SH3TC1: variants seen among roughly 807,000 people sequenced by gnomAD.
SH3TC1 encodes the protein SH3 domain and tetratricopeptide repeat-containing protein 1.
SH3TC1 carries 135 observed loss-of-function variants against 117.3 expected under a neutral mutation model. The observed-to-expected ratio is 1.15, with a 90% CI of 1.00 to 1.33. The LOEUF is 1.33. SH3TC1 is among the 40% of genes most tolerant of loss of function. SH3TC1 has a pLI of 0.00. For synonymous variants in SH3TC1, 898 were observed against 816.9 expected, an observed-to-expected ratio of 1.10 and a Z score of -1.69; for missense variants, 2,092 against 1,794.3, an observed-to-expected ratio of 1.17 and a Z score of -3.00.
At position 8,192,050 on chromosome 4, in the gene SH3TC1, C is replaced by T. The variant is rs939375733; in HGVS notation, c.-57+9840C>T. ...TGTCACCCAGGCTGGAGTGCAATGGCGCGATCTCGGCTCACTGCCACCTCG... is the reference window on the plus strand; with the variant it reads ...TGTCACCCAGGCTGGAGTGCAATGGTGCGATCTCGGCTCACTGCCACCTCG... On this transcript the variant is annotated intron_variant, in intron 1 of 16. Coordinates refer to the SH3TC1 transcript ENST00000508641. The surrounding 1 kb of genome is among the most constrained non-coding windows in gnomAD (Gnocchi z 4.1). 2.6e-5 allele frequency among the ~76,000 whole-genome samples: 4 copies of T among 151,792 alleles called. No homozygotes were observed. Among genetic ancestry groups the T allele is most frequent in the African/African-American group, 9.7e-5 (4 of 41,258 alleles).
chr4:8,234,181 A>ATCATCCATCCAT (rs1400082542), intron 14 of SH3TC1, among the ~76,000 whole-genome samples: 1 of 126,070 alleles, frequency 7.9e-6, no homozygotes. Flanking sequence ...CCATCCATCC[A>ATCATCCATCCAT]TCATCCATCC....
chr4:8,188,173 A>G (rs1341485068), intron 1 of SH3TC1, among the ~76,000 whole-genome samples: 1 of 152,176 alleles, frequency 6.6e-6, no homozygotes, highest in African/African-American at 2.4e-5. Context: ...CTCTACGGGC[A>G]GGACTGGGGC....
At chr4:8,239,487 C>T (rs1359392809) in intron 17 of SH3TC1, among the ~76,000 whole-genome samples, 1 of 150,898 alleles carries the variant, frequency 6.6e-6, no homozygotes, top group African/African-American at 2.4e-5. Flanking sequence ...CATAGGCACA[C>T]ACAGGCACAC....
At chr4:8,188,448 G>T (rs1717295710) in intron 1 of SH3TC1, among the ~76,000 whole-genome samples, 1 of 152,232 alleles carries the variant, frequency 6.6e-6, no homozygotes, top group Non-Finnish European at 1.5e-5. Context: ...CCCTACGCTG[G>T]CAGGTGTTGG....
rs1578689004 is a variant in SH3TC1, at chr4:8,217,069, G to A, written c.741G>A (p.Glu247=). The A allele has an allele frequency of 1.2e-6, 2 of 1,612,810 alleles. No homozygotes were observed. Among genetic ancestry groups the A allele is most frequent in the East Asian group, 4.5e-5 (2 of 44,884 alleles). Residue 247 remains glutamate (E), a synonymous_variant, in exon 7 of 18, where the codon GAG becomes GAA. Transcript: ENST00000245105. The part of the protein sequence containing the change: ...LRQASGAPQG[E]AAPETDSSPP... Reference sequence around the variant, plus strand: ...AGGCTTCGGGGGCACCCCAGGGAGAGGCGGCCCCGGAAACAGACTCTTCAC... The same window carrying A: ...AGGCTTCGGGGGCACCCCAGGGAGAAGCGGCCCCGGAAACAGACTCTTCAC...
intron 1 of SH3TC1, among the ~76,000 whole-genome samples, chr4:8,199,665 G>A (rs1717697970): frequency 6.6e-6 from 1 of 152,188 alleles, no homozygotes; most frequent in Non-Finnish European, 1.5e-5. Flanking sequence ...AAGCACCCTT[G>A]CTTCTGGGAC....
intron 14 of SH3TC1, 21 bp from the exon 15 acceptor site, chr4:8,235,412 G>A (rs1405901896): frequency 1.1e-5 from 16 of 1,470,644 alleles, no homozygotes; most frequent in Non-Finnish European, 1.5e-5. Flanking sequence ...GGGTCTTGAG[G>A]GAACTTCTGC....
chr4:8,203,714 C>T (rs1007759580), intron 1 of SH3TC1, among the ~76,000 whole-genome samples: 3 of 152,128 alleles, frequency 2.0e-5, no homozygotes, highest in African/African-American at 4.8e-5. Context: ...GACTTTGTGG[C>T]GCATGGACTC....
intron 1 of SH3TC1, among the ~76,000 whole-genome samples, chr4:8,204,342 A>G (rs1420483061): frequency 6.6e-6 from 1 of 152,178 alleles, no homozygotes. Flanking sequence ...AAGCAGGGGC[A>G]GCAGAGCCTG....
In SH3TC1 at chr4:8,205,426, G is replaced by T; in HGVS notation, c.172+60G>T. 1 of 1,220,998 alleles carries T rather than the reference G, an allele frequency of 8.2e-7. No individual in the cohort carries two copies. 75.6% of individuals were successfully genotyped at this position (1,220,998 alleles called of 1,614,324 possible). On this transcript the variant is annotated intron_variant, in intron 2 of 17. Coordinates refer to ENST00000245105, the MANE Select transcript of SH3TC1 (RefSeq NM_018986.5). This position sits in a 1 kb window ranked among gnomAD's most constrained non-coding sequence, Gnocchi z 5.4. Reference sequence around the variant, plus strand: ...TCCCACCCACTTCTCCACCCCACCCGCCCCGTCCATCCATCCCTCACCACC... The same window carrying T: ...TCCCACCCACTTCTCCACCCCACCCTCCCCGTCCATCCATCCCTCACCACC...
intron 17 of SH3TC1, 35 bp from the exon 18 acceptor site, chr4:8,240,663 T>A: frequency 1.2e-6 from 2 of 1,611,508 alleles, no homozygotes; most frequent in South Asian, 2.2e-5. Flanking sequence ...TGGCTCCGAG[T>A]CCCCCTTTTG....
intron 2 of SH3TC1, among the ~76,000 whole-genome samples, chr4:8,207,772 T>A (rs1287358624): frequency 6.6e-6 from 1 of 152,246 alleles, no homozygotes; most frequent in Non-Finnish European, 1.5e-5. Context: ...ACATGAGATA[T>A]TCCAGGCTTA....
At chr4:8,201,279 C>G (rs1217741008) in intron 1 of SH3TC1, 1 of 152,270 alleles carries the variant, frequency 6.6e-6, no homozygotes, top group Non-Finnish European at 1.5e-5. Context: ...ACTCGACCCA[C>G]TTGTGCGGTG....
At chr4:8,195,842 G>T (rs935673121), upstream of SH3TC1, among the ~76,000 whole-genome samples, 2 of 152,344 alleles carry the variant, frequency 1.3e-5, no homozygotes, top group Admixed American at 6.5e-5. Flanking sequence ...AGAGAAGGAG[G>T]TGCCACAGGC....
rs1229023668 is a variant in SH3TC1 at position 8,192,787 on chromosome 4, C to G, written c.-57+10577C>G. On this transcript the variant is annotated intron_variant, in intron 1 of 16. Coordinates refer to the SH3TC1 transcript ENST00000508641. The surrounding 1 kb of genome is among the most constrained non-coding windows in gnomAD (Gnocchi z 4.1). ...GATTACAGGCGTGAGCCACGGTGCC[C>G]GGCCCACTTGTCTTTATTTGTTGCC... Among the ~76,000 whole-genome samples the G allele has an allele frequency of 2.0e-5, 3 of 152,192 alleles. No individual in the cohort carries two copies. Among genetic ancestry groups the G allele is most frequent in the Non-Finnish European group, 4.4e-5 (3 of 68,038 alleles).
At chr4:8,218,686 A>C (rs1719578047) in intron 8 of SH3TC1, among the ~76,000 whole-genome samples, 1 of 152,236 alleles carries the variant, frequency 6.6e-6, no homozygotes, top group African/African-American at 2.4e-5. Flanking sequence ...GCAACCCAAC[A>C]GTCTCAGAGT....
At position 8,240,963 on chromosome 4, in the gene SH3TC1, A is replaced by C. The variant is rs1217369202; in HGVS notation, c.*8A>C. On this transcript the variant is annotated 3_prime_UTR_variant, in exon 18 of 18. Coordinates refer to ENST00000245105, the MANE Select transcript of SH3TC1 (RefSeq NM_018986.5). ...CCCAGCCACCCTCGCTGAGGACAGC[A>C]TCCAAGGGAGTGGGTTTTGTGCAAG... 7 of 1,606,824 alleles carry C rather than the reference A, an allele frequency of 4.4e-6. No individual in the cohort carries two copies. Among genetic ancestry groups the C allele is most frequent in the Non-Finnish European group, 5.9e-6 (7 of 1,179,246 alleles).
chr4:8,183,306 C>T lies in SH3TC1; in HGVS notation c.-57+1096C>T, dbSNP rs1338278152. ...GGACTGGCTGAGGACCACGGCAGGT[C>T]ACGCCTGGGGCTAGGATGCCCTTCC... On this transcript the variant is annotated intron_variant, in intron 1 of 16. Coordinates refer to the SH3TC1 transcript ENST00000508641. The surrounding 1 kb of genome is among the most constrained non-coding windows in gnomAD (Gnocchi z 5.4). Among the ~76,000 whole-genome samples, 9 of 152,222 alleles carry T rather than the reference C, an allele frequency of 5.9e-5. No homozygotes were observed. The highest frequency in any genetic ancestry group is 5.9e-4 in the Admixed American group (9 of 15,288).
Position 8,183,075 on chromosome 4 carries a change from C to T in SH3TC1, c.-57+865C>T, listed in dbSNP as rs923525303. ...CTGGGGGTGAGGGGGATCCATGGCC[C>T]CTGGCAAGGGGTGGGGCCTCTGTGA... On this transcript the variant is annotated intron_variant, in intron 1 of 16. Transcript: ENST00000508641. This position sits in a 1 kb window ranked among gnomAD's most constrained non-coding sequence, Gnocchi z 5.4. Among the ~76,000 whole-genome samples the T allele has an allele frequency of 6.6e-6, 1 of 152,108 alleles. No homozygotes were observed. Among genetic ancestry groups the T allele is most frequent in the Non-Finnish European group, 1.5e-5 (1 of 67,986 alleles).
Sources: allele counts gnomAD v4.1 joint callset (sites outside exome capture counted in the v4.1 genomes callset), GRCh38; gene constraint gnomAD v4.1.1; non-coding constraint Gnocchi (gnomAD v3.1); transcripts MANE v1.5; gene names NCBI Gene and HGNC (gene_info 2026-07-23, HGNC 2026-07-21).